DNAH3: variants seen among roughly 807,000 people sequenced by gnomAD.
DNAH3 encodes the protein dynein axonemal heavy chain 3.
In DNAH3, 332 loss-of-function variants were observed where a neutral mutation model predicts 432.5. The observed-to-expected ratio is 0.77, with a 90% CI of 0.70 to 0.84. DNAH3 has a LOEUF of 0.84. Among genes scored for constraint, DNAH3 ranks in the 40% least tolerant of loss-of-function variants. The probability of loss-of-function intolerance (pLI) is 0.00; values close to 1 mark genes in which losing one functional copy is unlikely to be tolerated. For missense variants in DNAH3, 4,861 were observed against 5,114.0 expected, an observed-to-expected ratio of 0.95 and a Z score of 1.51; for synonymous variants, 1,956 against 1,900.2, an observed-to-expected ratio of 1.03 and a Z score of -0.76.
intron 48 of DNAH3, 107 bp downstream of exon 48, chr16:20,984,942 G>A (rs2086115762): frequency 1.0e-6 from 1 of 1,000,138 alleles, no homozygotes; most frequent in Non-Finnish European, 1.5e-6. Flanking sequence ...TGGTGCGTTG[G>A]CTGAATCAAC....
chr16:20,998,934 G>A (rs1451392794), intron 43 of DNAH3, among the ~76,000 whole-genome samples: 4 of 152,080 alleles, frequency 2.6e-5, no homozygotes, highest in Non-Finnish European at 5.9e-5. Flanking sequence ...GGTCAGGGAC[G>A]TTAACTCACA....
At chr16:21,064,550 A>G (rs895258295) in intron 24 of DNAH3, among the ~76,000 whole-genome samples, 1 of 152,208 alleles carries the variant, frequency 6.6e-6, no homozygotes, top group Non-Finnish European at 1.5e-5. Context: ...AAAGAGTAAT[A>G]ATTATTTGTT....
At chr16:20,939,347 T>C (rs1335890605) in intron 59 of DNAH3, among the ~76,000 whole-genome samples, 4 of 152,094 alleles carry the variant, frequency 2.6e-5, no homozygotes, top group East Asian at 3.9e-4. Context: ...CACAGTGGCT[T>C]ACACCTGTAA....
chr16:20,947,907 T>C (rs967880457), intron 57 of DNAH3, among the ~76,000 whole-genome samples: 2 of 151,856 alleles, frequency 1.3e-5, no homozygotes, highest in African/African-American at 4.8e-5. Flanking sequence ...TCCCAAGTAG[T>C]TGGGATTACA....
At chr16:21,101,278 T>TA in intron 16 of DNAH3, among the ~76,000 whole-genome samples, 1 of 152,302 alleles carries the variant, frequency 6.6e-6, no homozygotes, top group African/African-American at 2.4e-5. Flanking sequence ...GTTGTATGGG[T>TA]ACTCAACATA....
intron 41 of DNAH3, among the ~76,000 whole-genome samples, chr16:21,009,811 A>G (rs2087491700): frequency 6.6e-6 from 1 of 151,666 alleles, no homozygotes; most frequent in East Asian, 1.9e-4. Flanking sequence ...GGGCACTAAG[A>G]CTGCAGTGAG....
intron 12 of DNAH3, among the ~76,000 whole-genome samples, chr16:21,112,659 A>C (rs916643219): frequency 6.6e-6 from 1 of 152,092 alleles, no homozygotes; most frequent in Non-Finnish European, 1.5e-5. Context: ...TACAATTCAA[A>C]TTGAGATTTG....
chr16:21,141,589 T>C (rs749920495), intron 3 of DNAH3, among the ~76,000 whole-genome samples: 9 of 152,230 alleles, frequency 5.9e-5, no homozygotes, highest in Non-Finnish European at 1.2e-4. Flanking sequence ...GGACCTCAGC[T>C]TCCTCAACTG....
chr16:21,093,823 T>A (rs530649101), intron 18 of DNAH3, among the ~76,000 whole-genome samples: 579 of 146,558 alleles, frequency 4.0e-3, no homozygotes, highest in African/African-American at 0.015. Context: ...TGGATAAAAA[T>A]TTTTTTTTCC....
chr16:21,093,564 A>T (rs1307332346), intron 18 of DNAH3, among the ~76,000 whole-genome samples: 1 of 152,228 alleles, frequency 6.6e-6, no homozygotes, highest in Admixed American at 6.5e-5. Context: ...TGGTATGTAT[A>T]GACAAACTGA....
rs9302391 is a variant in DNAH3, at chr16:21,139,320, C to CTTTTTTTTTTTTTTTTT, written c.696+1199_696+1215dup. On this transcript the variant is annotated intron_variant, in intron 5 of 61. Coordinates refer to ENST00000261383, the Ensembl canonical transcript of DNAH3. ...AATGTAGCTTGAGACTTTCCTCATG[C>CTTTTTTTTTTTTTTTTT]TTTTTTTTTTTTTTTTTTTTTTTTT... Among the ~76,000 whole-genome samples the CTTTTTTTTTTTTTTTTT allele has an allele frequency of 4.5e-3, 134 of 29,630 alleles. 34 individuals carry two copies. Among genetic ancestry groups the CTTTTTTTTTTTTTTTTT allele is most frequent in the East Asian group, 0.021 (15 of 702 alleles). 19.4% of individuals were successfully genotyped at this position (29,630 alleles called of 152,430 possible).
chr16:21,087,286 C>T (rs1026033876), intron 18 of DNAH3, among the ~76,000 whole-genome samples: 12 of 152,142 alleles, frequency 7.9e-5, no homozygotes, highest in African/African-American at 2.7e-4. Context: ...ATAATGGATA[C>T]CCTGGAAGGT....
chr16:21,123,853 C>T (rs1014273552), intron 9 of DNAH3, among the ~76,000 whole-genome samples: 7 of 151,782 alleles, frequency 4.6e-5, no homozygotes, highest in African/African-American at 1.5e-4. Flanking sequence ...CAGGCAGTGG[C>T]GTGATCTCGG....
intron 31 of DNAH3, 146 bp from the exon 32 acceptor site, chr16:21,042,349 G>T (rs1442007574): frequency 2.6e-6 from 2 of 759,680 alleles, no homozygotes; most frequent in Non-Finnish European, 2.1e-6. Flanking sequence ...CATGATTTGG[G>T]GTTTTGGTAA....
At chr16:21,117,104 C>T in intron 12 of DNAH3, 99 bp downstream of exon 12, 1 of 738,324 alleles carries the variant, frequency 1.4e-6, no homozygotes, top group South Asian at 1.8e-5. Context: ...TGTATGTGTT[C>T]AGGTGTTTGG....
At chr16:21,053,985 A>C (rs997812770) in intron 28 of DNAH3, among the ~76,000 whole-genome samples, 4 of 152,098 alleles carry the variant, frequency 2.6e-5, no homozygotes, top group Non-Finnish European at 4.4e-5. Flanking sequence ...TTACTATTAT[A>C]GCTGTATGCC....
chr16:20,978,995 G>C (rs1320921716), intron 50 of DNAH3, among the ~76,000 whole-genome samples: 2 of 151,550 alleles, frequency 1.3e-5, no homozygotes, highest in Admixed American at 6.6e-5. Context: ...TCCTGCCCAG[G>C]TCCCCATAAG....
chr16:20,990,044 TGAGG>T (rs916787155), intron 44 of DNAH3, among the ~76,000 whole-genome samples: 1 of 152,180 alleles, frequency 6.6e-6, no homozygotes, highest in Non-Finnish European at 1.5e-5. Flanking sequence ...CCCTGCAAGC[TGAGG>T]GAGTGGGCTC....
chr16:21,159,263 C>G, intron 1 of DNAH3: 1 of 1,393,072 alleles, frequency 7.2e-7, no homozygotes, highest in Non-Finnish European at 1.0e-6. Context: ...AAGTACTCGA[C>G]TCCCCTCTGA....
Sources: gnomAD v4.1 joint callset for allele counts (sites outside exome capture counted in the v4.1 genomes callset) on GRCh38, gnomAD v4.1.1 for gene constraint, MANE v1.5 for transcripts, NCBI Gene and HGNC (gene_info 2026-07-23, HGNC 2026-07-21) for gene names.